PRUNE2: variants seen among roughly 807,000 people sequenced by gnomAD.
The protein encoded by PRUNE2 is prune homolog 2 with BCH domain, also known as protein prune homolog 2.
A neutral mutation model predicts 252.0 loss-of-function variants in PRUNE2; 164 were observed. The ratio of observed to expected loss-of-function variants is 0.65; its 90% CI spans 0.57 to 0.74. The LOEUF (loss-of-function observed/expected upper bound fraction) is 0.74. Among genes scored for constraint, PRUNE2 ranks in the 30% least tolerant of loss-of-function variants. PRUNE2 has a pLI of 0.00. For missense variants in PRUNE2, 3,495 were observed against 3,711.0 expected (o/e 0.94, Z 1.51); for synonymous variants, 1,292 against 1,350.2 (o/e 0.96, Z 0.94).
chr9:76,628,342 C>A (rs1180365079), intron 16 of PRUNE2, among the ~76,000 whole-genome samples: 2 of 152,152 alleles, frequency 1.3e-5, no homozygotes, highest in Admixed American at 1.3e-4. Flanking sequence ...TACTGCGTTA[C>A]CCTCTATTGA....
At chr9:76,893,261 A>C (rs2062599397) in intron 1 of PRUNE2, among the ~76,000 whole-genome samples, 1 of 152,186 alleles carries the variant, frequency 6.6e-6, no homozygotes, top group African/African-American at 2.4e-5. Flanking sequence ...CAAAACAAAC[A>C]ACAATAACAA....
chr9:76,843,406 G>GCA (rs777940111), intron 4 of PRUNE2, among the ~76,000 whole-genome samples: 1 of 152,108 alleles, frequency 6.6e-6, no homozygotes, highest in Non-Finnish European at 1.5e-5. Flanking sequence ...AACCACCATG[G>GCA]CACGTGTATA....
intron 6 of PRUNE2, among the ~76,000 whole-genome samples, chr9:76,816,341 T>C (rs1333639421): frequency 2.0e-5 from 3 of 152,152 alleles, no homozygotes; most frequent in South Asian, 4.2e-4. Context: ...GCTGCTGATA[T>C]GATAAACCAT....
chr9:76,899,360 T>G (rs2063034949), intron 1 of PRUNE2, among the ~76,000 whole-genome samples: 1 of 152,220 alleles, frequency 6.6e-6, no homozygotes, highest in Non-Finnish European at 1.5e-5. Context: ...TTATTTTGTC[T>G]TAACACTTTG....
intron 4 of PRUNE2, among the ~76,000 whole-genome samples, chr9:76,832,963 T>C (rs1401316768): frequency 5.3e-5 from 8 of 152,064 alleles, no homozygotes; most frequent in African/African-American, 1.9e-4. Context: ...CTTGCCAAAA[T>C]TGGCAGAAAA....
intron 9 of PRUNE2, among the ~76,000 whole-genome samples, chr9:76,666,431 C>T (rs1027834264): frequency 1.3e-5 from 2 of 152,208 alleles, no homozygotes; most frequent in African/African-American, 4.8e-5. Context: ...CATGTTCCAT[C>T]CTGTACACCA....
intron 4 of PRUNE2, among the ~76,000 whole-genome samples, chr9:76,828,423 T>C (rs929698797): frequency 6.6e-6 from 1 of 152,214 alleles, no homozygotes; most frequent in Non-Finnish European, 1.5e-5. Context: ...TTAAAGTTTG[T>C]CTTTTATATT....
chr9:76,614,152 G>T lies in PRUNE2; in HGVS notation c.*418C>A, dbSNP rs1051742369. The T allele has an allele frequency of 3.4e-5, 6 of 175,210 alleles. No homozygotes were observed. The highest frequency in any genetic ancestry group is 2.4e-3 in the Middle Eastern group (1 of 414). The allele number at this position is 175,210 out of a possible 1,614,324, so 10.9% of individuals were successfully genotyped here. On this transcript the variant is annotated 3_prime_UTR_variant, in exon 19 of 19. Transcript: ENST00000376718. The stretch of plus-strand genomic sequence containing the variant: ...AACAGGGGAAACTTTCCTGGGGAGA[G>T]TTGAGACCTGTGTACTTTAAACCTA...
chr9:76,673,672 C>T (rs1310804461), intron 9 of PRUNE2, among the ~76,000 whole-genome samples: 2 of 143,948 alleles, frequency 1.4e-5, no homozygotes, highest in East Asian at 2.0e-4. Flanking sequence ...ACTGGCAAAA[C>T]GAATCCAGCA....
intron 2 of PRUNE2, among the ~76,000 whole-genome samples, chr9:76,852,748 T>G (rs1469326254): frequency 1.3e-5 from 2 of 152,246 alleles, no homozygotes; most frequent in Admixed American, 1.3e-4. Flanking sequence ...CTGGCAAACC[T>G]TTGAAGAAGA....
At position 76,613,663 on chromosome 9, in the gene PRUNE2, A is replaced by T. The variant is rs2131766231; in HGVS notation, c.*907T>A. ...GTACATGAAAGTAATACTCATATTT[A>T]ATTTTAAGCCTATGATCAGATTACG... On this transcript the variant is annotated 3_prime_UTR_variant, in exon 19 of 19. Transcript: ENST00000376718. The T allele has an allele frequency of 6.6e-6, 1 of 152,324 alleles. No individual in the cohort carries two copies. The highest frequency in any genetic ancestry group is 2.1e-4 in the South Asian group (1 of 4,826). The allele number at this position is 152,324 out of a possible 1,614,324, so 9.4% of individuals were successfully genotyped here. A position where few individuals can be genotyped will look rare whatever the true frequency, so the allele number is the denominator to read the frequency against.
chr9:76,666,709 G>C (rs471623), intron 9 of PRUNE2, among the ~76,000 whole-genome samples: 89,871 of 151,762 alleles, frequency 0.59, 28,603 homozygotes, highest in South Asian at 0.71. Context: ...ACCAGTCTCC[G>C]CGTCTTGGTG....
At chr9:76,766,206 G>T (rs1293556467) in intron 6 of PRUNE2, among the ~76,000 whole-genome samples, 1 of 149,620 alleles carries the variant, frequency 6.7e-6, no homozygotes, top group African/African-American at 2.5e-5. Flanking sequence ...AAACTCTTTA[G>T]AAATATACCA....
intron 9 of PRUNE2, chr9:76,691,964 C>T (rs1223185164): frequency 7.5e-6 from 5 of 668,864 alleles, no homozygotes; most frequent in African/African-American, 5.4e-5. Flanking sequence ...CCTCCCGTCT[C>T]CCCCGCCAAC....
At chr9:76,745,637 C>A (rs1018978356) in intron 6 of PRUNE2, among the ~76,000 whole-genome samples, 1 of 152,252 alleles carries the variant, frequency 6.6e-6, no homozygotes, top group Admixed American at 6.5e-5. Context: ...CCTTGAGAAA[C>A]CCTAGCTTCT....
chr9:76,766,026 C>CA (rs1015290406), intron 6 of PRUNE2, among the ~76,000 whole-genome samples: 16 of 151,292 alleles, frequency 1.1e-4, no homozygotes, highest in African/African-American at 2.4e-4. Context: ...ACTAAAAATA[C>CA]AAAAAAAATA....
At chr9:76,727,132 G>C (rs1415622867) in intron 6 of PRUNE2, among the ~76,000 whole-genome samples, 1 of 152,142 alleles carries the variant, frequency 6.6e-6, no homozygotes, top group African/African-American at 2.4e-5. Context: ...AGCATATCTG[G>C]CCTTGACCCA....
chr9:76,833,657 T>C (rs532579735), intron 4 of PRUNE2, among the ~76,000 whole-genome samples: 63 of 151,332 alleles, frequency 4.2e-4, no homozygotes, highest in Admixed American at 1.1e-3. Flanking sequence ...CCCAGCTACT[T>C]GGGAGGCTGA....
In PRUNE2 at chr9:76,905,934, A is replaced by G; in HGVS notation, c.30T>C (p.Ser10=). 1 of 1,614,170 alleles carries G rather than the reference A, an allele frequency of 6.2e-7. No homozygotes were observed. The highest frequency in any genetic ancestry group is 2.2e-5 in the East Asian group (1 of 44,870). ...CTTTGCTCACTCAACTTACCAGTTT[A>G]GATTTGGCGCGTTGCAAAAATTCTT... MEEFLQRAK[S]KLNRSKRLEK... Residue 10 remains serine, a synonymous_variant, in exon 1 of 19, where the codon TCT becomes TCC. Transcript: ENST00000376718.
Sources: gnomAD v4.1 joint callset for allele counts (sites outside exome capture counted in the v4.1 genomes callset) on GRCh38, gnomAD v4.1.1 for gene constraint, MANE v1.5 for transcripts, NCBI Gene and HGNC (gene_info 2026-07-23, HGNC 2026-07-21) for gene names.